The following FN1 variants were observed in gnomAD, a reference collection of about 807,000 sequenced individuals.
The protein encoded by FN1 is fibronectin.
A neutral mutation model predicts 297.3 loss-of-function variants in FN1; 106 were observed. The observed-to-expected ratio is 0.36, with a 90% confidence interval of 0.30 to 0.42. FN1 has a LOEUF of 0.42. Ranked by LOEUF, FN1 falls within the 10% of genes least tolerant of loss-of-function variation. The pLI, the probability that FN1 is intolerant of heterozygous loss-of-function variation, is 1.00. For missense variants in FN1, 2,690 were observed against 3,124.9 expected (o/e 0.86, Z 3.32); for synonymous variants, 1,149 against 1,152.6 (o/e 1.00, Z 0.06).
Position 215,435,897 on chromosome 2 carries a change from C to A in FN1, c.-95G>T. 2 of 1,474,228 alleles carry A rather than the reference C, an allele frequency of 1.4e-6. No individual in the cohort carries two copies. The highest frequency in any genetic ancestry group is 1.8e-6 in the Non-Finnish European group (2 of 1,114,112). The allele number at this position is 1,474,228 out of a possible 1,614,324, so 91.3% of individuals were successfully genotyped here. Reference sequence around the variant, plus strand: ...CCTGCGGGAAAAATCCCTTCTAATGCCTCCCGGGGGTTGTCGCCTCCAAGA... The same window carrying A: ...CCTGCGGGAAAAATCCCTTCTAATGACTCCCGGGGGTTGTCGCCTCCAAGA... On this transcript the variant is annotated 5_prime_UTR_variant, in exon 1 of 46. Coordinates refer to ENST00000354785, the MANE Select transcript of FN1 (RefSeq NM_212482.4).
At position 215,430,409 on chromosome 2, in the gene FN1, A is replaced by G. The variant is rs985984809; in HGVS notation, c.685+306T>C. Among the ~76,000 whole-genome samples, 11 of 152,216 alleles carry G rather than the reference A, an allele frequency of 7.2e-5. 1 individual carries two copies. Among genetic ancestry groups the G allele is most frequent in the Admixed American group, 3.9e-4 (6 of 15,280 alleles). ...GGATAAATTCTTTTTAATTTTATCA[A>G]TTTAGCCTGTGAATGTGCCCTATTT... is the stretch of plus-strand genomic sequence containing the variant. On this transcript the variant is annotated intron_variant, in intron 5 of 45. Coordinates refer to ENST00000354785, the MANE Select transcript of FN1 (RefSeq NM_212482.4).
Position 215,384,095 on chromosome 2 carries a change from T to C in FN1, c.4819A>G (p.Ile1607Val), listed in dbSNP as rs747136474. ...SGLKPGVDYT[I>V]TVYAVTGRGD... ...CGGCCAGTGACAGCATACACAGTGA[T>C]GGTATAATCAACTCCAGGTTTAAGG... The change falls in exon 30 of 46, where the codon ATC becomes GTC. Residue 1607 changes from isoleucine to valine, a missense_variant. Physicochemically the swap from Ile to Val is conservative, Grantham distance 29 (BLOSUM62 3). Around this residue, in one of 3 missense-constraint regions of FN1, gnomAD observed 1,743 missense variants for 1,945.2 expected, o/e 0.90. Transcript: ENST00000354785. 1 of 1,614,156 alleles carries C rather than the reference T, an allele frequency of 6.2e-7. No homozygotes were observed.
At chr2:215,400,023 A>G (rs889812985) in intron 20 of FN1, among the ~76,000 whole-genome samples, 1 of 151,834 alleles carries the variant, frequency 6.6e-6, no homozygotes, top group Non-Finnish European at 1.5e-5. Context: ...CCCTGTCTCT[A>G]TTAAAAATAT....
At chr2:215,365,022 G>A (rs1174492101) in intron 43 of FN1, 37 bp from the exon 44 acceptor site, 1 of 1,344,768 alleles carries the variant, frequency 7.4e-7, no homozygotes, top group Admixed American at 2.0e-5. Flanking sequence ...CGCATAAGCT[G>A]AGAACAATAC....
At chr2:215,378,065 C>CG (rs1394311820) in intron 35 of FN1, 110 bp downstream of exon 35, 6 of 780,962 alleles carry the variant, frequency 7.7e-6, no homozygotes, top group Non-Finnish European at 1.4e-5. Context: ...GCCTCAGCTT[C>CG]CCAAAGTGCT....
chr2:215,372,046 C>G lies in FN1; in HGVS notation c.6577G>C (p.Gly2193Arg), dbSNP rs775537486. The change falls in exon 40 of 46, where the codon GGT becomes CGT. Residue 2193 changes from glycine to arginine, a missense_variant. Gly to Arg is a moderately radical substitution (Grantham distance 125). Around this residue, in one of 3 missense-constraint regions of FN1, gnomAD observed 1,743 missense variants for 1,945.2 expected, o/e 0.90. Transcript: ENST00000354785. ...EDVDYHLYPH[G>R]PGLNPNASTG... is the part of the protein sequence containing the mutation. ...GAGGCATTTGGATTGAGTCCCGGAC[C>G]GTGTGGGTACAGGTGATAGTCTACA... is the stretch of plus-strand genomic sequence containing the variant. 1 of 1,614,160 alleles carries G rather than the reference C, an allele frequency of 6.2e-7. No homozygotes were observed. Among genetic ancestry groups the G allele is most frequent in the East Asian group, 2.2e-5 (1 of 44,876 alleles).
chr2:215,379,405 G>T, intron 33 of FN1, 88 bp from the exon 34 acceptor site: 2 of 1,234,980 alleles, frequency 1.6e-6, no homozygotes, highest in Non-Finnish European at 2.4e-6. Flanking sequence ...AGAATGGATT[G>T]TTCTTGTTGG....
At chr2:215,428,131 T>G in intron 6 of FN1, 49 bp downstream of exon 6, 1 of 1,607,964 alleles carries the variant, frequency 6.2e-7, no homozygotes, top group Non-Finnish European at 8.5e-7. Context: ...GCGGAAATAT[T>G]TCTTGACCTG....
At chr2:215,434,559 G>T in intron 2 of FN1, 137 bp downstream of exon 2, 1 of 1,086,714 alleles carries the variant, frequency 9.2e-7, no homozygotes, top group Non-Finnish European at 1.4e-6. Context: ...AATATAAGCA[G>T]TTTTTAAACT....
Position 215,392,976 on chromosome 2 carries a change from T to C in FN1, c.4024A>G (p.Ile1342Val), listed in dbSNP as rs1165914322. The C allele has an allele frequency of 4.3e-6, 7 of 1,612,938 alleles. No individual in the cohort carries two copies. The Admixed American group carries it at 1.2e-4, about 27-fold the overall frequency. Residue 1342 changes from isoleucine to valine, a missense_variant, in exon 25 of 46, where the codon ATT (isoleucine) becomes GTT (valine). Around this residue, in one of 3 missense-constraint regions of FN1, gnomAD observed 1,743 missense variants for 1,945.2 expected, o/e 0.90. Coordinates refer to ENST00000354785, the MANE Select transcript of FN1 (RefSeq NM_212482.4). ...GTAGGGGCACTCTCGCCGCCATTAA[T>C]GAGAGTGATAACGCTGATATCATAG... ...IDYDISVITL[I>V]NGGESAPTTL...
chr2:215,425,768 C>T lies in FN1; in HGVS notation c.845-483G>A, dbSNP rs189018560. Reference sequence around the variant, plus strand: ...GACGGGGTTTTGCCATGTTGGCAAACTCCTGACCTCAAACTCCTGTCTCAA... The same window carrying T: ...GACGGGGTTTTGCCATGTTGGCAAATTCCTGACCTCAAACTCCTGTCTCAA... On this transcript the variant is annotated intron_variant, in intron 6 of 45. Transcript: ENST00000354785. Among the ~76,000 whole-genome samples, 76 of 139,276 alleles carry T rather than the reference C, an allele frequency of 5.5e-4. 1 individual carries two copies. The highest frequency in any genetic ancestry group is 5.9e-5 in the Non-Finnish European group (4 of 67,894). The allele number at this position is 139,276 out of a possible 152,430, so 91.4% of individuals were successfully genotyped here.
chr2:215,386,568 ATTTTTTTTT>A (rs5838504), intron 28 of FN1, 112 bp downstream of exon 28: 814 of 336,492 alleles, frequency 2.4e-3, no homozygotes, highest in Middle Eastern at 4.6e-3. Context: ...ACAATGATCT[ATTTTTTTTT>A]TTTTTTTTTT....
chr2:215,370,422 G>A lies in FN1; in HGVS notation c.6725C>T (p.Pro2242Leu), dbSNP rs1349291022. 3.7e-6 allele frequency: 6 copies of A among 1,613,804 alleles called. No homozygotes were observed. The highest frequency in any genetic ancestry group is 2.2e-5 in the East Asian group (1 of 44,862). The change falls in exon 41 of 46, where the codon CCT becomes CTT. Residue 2242 changes from proline (P) to leucine (L), a missense_variant. This residue lies in a region of FN1 where 1,743 missense variants were observed against 1,945.2 expected (regional missense o/e 0.90). Transcript: ENST00000354785. ...TDEEPLQFRV[P>L]GTSTSATLTG... ...CAGAGTGGCACTGGTAGAAGTTCCA[G>A]GAACCCTGAACTGCAATTATCGGTA...
intron 38 of FN1, among the ~76,000 whole-genome samples, 177 bp downstream of exon 38, chr2:215,375,037 T>A (rs976459426): frequency 6.6e-6 from 1 of 152,212 alleles, no homozygotes; most frequent in Non-Finnish European, 1.5e-5. Context: ...CCTTCACTCA[T>A]GCCTTTTGGG....
chr2:215,428,642 C>T (rs1003295341), intron 5 of FN1, among the ~76,000 whole-genome samples: 2 of 152,188 alleles, frequency 1.3e-5, no homozygotes, highest in Non-Finnish European at 2.9e-5. Flanking sequence ...TATATTTCAT[C>T]TTTTTCCTTC....
rs113233131 is a variant in FN1, at chr2:215,378,166, G to A, written c.5710+9C>T. 6 of 1,528,616 alleles carry A rather than the reference G, an allele frequency of 3.9e-6. No homozygotes were observed. The African/African-American group carries it at 8.2e-5, about 21-fold the overall frequency. 94.7% of individuals were successfully genotyped at this position (1,528,616 alleles called of 1,614,324 possible). On this transcript the variant is annotated intron_variant, in intron 35 of 45. Transcript: ENST00000354785. The stretch of plus-strand genomic sequence containing the variant: ...AGGTTTGTCCATATGAAGACATTTT[G>A]TTACTTACTCTCCAGAGTGGTGACA...
chr2:215,368,097 C>T (rs985811864), intron 41 of FN1, 70 bp from the exon 42 acceptor site: 8 of 1,475,352 alleles, frequency 5.4e-6, no homozygotes, highest in East Asian at 2.3e-5. Flanking sequence ...AGAAGAAAAT[C>T]GAATGACTGT....
intron 8 of FN1, 48 bp downstream of exon 8, chr2:215,424,098 T>A: frequency 6.4e-7 from 1 of 1,564,600 alleles, no homozygotes; most frequent in Non-Finnish European, 8.8e-7. Flanking sequence ...AACTAGGGCA[T>A]GAAAGTGAGT....
Position 215,435,894 on chromosome 2 carries a change from A to G in FN1, c.-92T>C. 6.9e-7 allele frequency: 1 copy of G among 1,453,028 alleles called. No homozygotes were observed. The highest frequency in any genetic ancestry group is 9.1e-7 in the Non-Finnish European group (1 of 1,101,274). 90.0% of individuals were successfully genotyped at this position (1,453,028 alleles called of 1,614,324 possible). ...CAACCTGCGGGAAAAATCCCTTCTA[A>G]TGCCTCCCGGGGGTTGTCGCCTCCA... On this transcript the variant is annotated 5_prime_UTR_variant, in exon 1 of 46. Transcript: ENST00000354785.
Sources: allele counts gnomAD v4.1 joint callset (sites outside exome capture counted in the v4.1 genomes callset), GRCh38; gene constraint gnomAD v4.1.1; regional missense constraint gnomAD v4.1.1; transcripts MANE v1.5; gene names NCBI Gene and HGNC (gene_info 2026-07-23, HGNC 2026-07-21).